The following ELFN1 variants were observed in gnomAD, a reference collection of about 807,000 sequenced individuals.
The protein encoded by ELFN1 is protein ELFN1.
A neutral mutation model predicts 7.6 loss-of-function variants in ELFN1; 6 were observed. The ratio of observed to expected loss-of-function variants is 0.79; its 90% CI spans 0.43 to 1.56. The LOEUF (loss-of-function observed/expected upper bound fraction) is 1.56, where lower values mean the gene tolerates loss of function less well. Ranked by LOEUF, ELFN1 falls within the 40% of genes most tolerant of loss-of-function variation. The probability of loss-of-function intolerance (pLI) is 0.01; values close to 1 mark genes in which losing one functional copy is unlikely to be tolerated. For missense variants in ELFN1, 1,169 were observed against 1,232.2 expected (o/e 0.95, Z 0.77); for synonymous variants, 657 against 588.1 (o/e 1.12, Z -1.70).
chr7:1,725,482 G>C (rs1445108757), intron 3 of ELFN1, among the ~76,000 whole-genome samples: 1 of 152,048 alleles, frequency 6.6e-6, no homozygotes, highest in African/African-American at 2.4e-5. Flanking sequence ...GTGTGAGGCA[G>C]AGCGGGGGTG....
At chr7:1,715,387 G>A (rs911245849) in intron 3 of ELFN1, among the ~76,000 whole-genome samples, 1 of 152,152 alleles carries the variant, frequency 6.6e-6, no homozygotes, top group African/African-American at 2.4e-5. Flanking sequence ...TCTCCTCATA[G>A]GAGCCCGGCA....
chr7:1,724,735 G>A (rs1157457998), intron 3 of ELFN1, among the ~76,000 whole-genome samples: 5 of 152,124 alleles, frequency 3.3e-5, no homozygotes, highest in South Asian at 2.1e-4. Flanking sequence ...CACAGAGGCC[G>A]GGTGTGTCTC....
At chr7:1,694,028 GC>G (rs1035097734) in intron 2 of ELFN1, 1 of 348,470 alleles carries the variant, frequency 2.9e-6, no homozygotes, top group African/African-American at 2.1e-5. Flanking sequence ...GAGCTGAACA[GC>G]CTTCAGGGCC....
chr7:1,707,360 G>A (rs1194489068), intron 2 of ELFN1, among the ~76,000 whole-genome samples: 1 of 152,252 alleles, frequency 6.6e-6, no homozygotes, highest in Admixed American at 6.5e-5. Context: ...TGCAGAGCTG[G>A]GCTGGGTATA....
chr7:1,718,778 GTTGGTTCAGA>G (rs1021533948), intron 3 of ELFN1, among the ~76,000 whole-genome samples: 2 of 152,132 alleles, frequency 1.3e-5, no homozygotes, highest in Non-Finnish European at 2.9e-5. Flanking sequence ...CCCTGGCCGT[GTTGGTTCAGA>G]TTGTTCAGAT....
Position 1,746,752 on chromosome 7 carries a change from C to G in ELFN1, c.2156C>G (p.Pro719Arg). 13 of 1,499,996 alleles carry G rather than the reference C, an allele frequency of 8.7e-6. No homozygotes were observed. The highest frequency in any genetic ancestry group is 1.1e-5 in the Non-Finnish European group (13 of 1,131,190). 92.9% of individuals were successfully genotyped at this position (1,499,996 alleles called of 1,614,324 possible). A position where few individuals can be genotyped will look rare whatever the true frequency, so the allele number is the denominator to read the frequency against. Residue 719 changes from proline (P) to arginine (R), a missense_variant, in exon 4 of 4, where the codon CCC (proline) becomes CGC (arginine). Physicochemically the swap from Pro to Arg is moderately radical, Grantham distance 103. This residue lies in a region of ELFN1 where 914 missense variants were observed against 872.6 expected (regional missense o/e 1.05). Coordinates refer to ENST00000424383, the MANE Select transcript of ELFN1 (RefSeq NM_001128636.4). ...GSHPAEPPAPPGPPPPPPHEG... is the reference protein window; with the variant it reads ...GSHPAEPPAPRGPPPPPPHEG... ...CACCCGGCCGAGCCACCTGCGCCCCCCGGGCCACCGCCGCCGCCTCCGCAC... is the reference window on the plus strand; with the variant it reads ...CACCCGGCCGAGCCACCTGCGCCCCGCGGGCCACCGCCGCCGCCTCCGCAC...
At chr7:1,700,655 G>A (rs1267941906) in intron 2 of ELFN1, among the ~76,000 whole-genome samples, 1 of 152,152 alleles carries the variant, frequency 6.6e-6, no homozygotes, top group Non-Finnish European at 1.5e-5. Context: ...CCTCCCTGAG[G>A]TTTACACCCC....
intron 3 of ELFN1, among the ~76,000 whole-genome samples, chr7:1,741,308 G>C (rs530202827): frequency 6.0e-4 from 91 of 152,298 alleles, no homozygotes; most frequent in African/African-American, 2.1e-3. Flanking sequence ...CTGCCCAGGA[G>C]ACTTGGCAGC....
rs368245335 is a variant in ELFN1 at position 1,674,088 on chromosome 7, G to A, written c.-549+3734G>A. On this transcript the variant is annotated intron_variant, in intron 1 of 3. Transcript: ENST00000424383. ...ACTGCTCTGCTCCCTGCTCCGGGCC[G>A]TGAGGGGTGCACAGGAGCCAGTGGG... is the stretch of plus-strand genomic sequence containing the variant. 1.3e-4 allele frequency among the ~76,000 whole-genome samples: 19 copies of A among 150,364 alleles called. No individual in the cohort carries two copies. In the East Asian group the frequency reaches 1.4e-3, roughly 11 times the overall value.
chr7:1,672,116 C>T (rs1778779390), intron 1 of ELFN1, among the ~76,000 whole-genome samples: 1 of 152,186 alleles, frequency 6.6e-6, no homozygotes, highest in South Asian at 2.1e-4. Flanking sequence ...GCAGGCTCGG[C>T]AGGCAGCTCC....
intron 1 of ELFN1, among the ~76,000 whole-genome samples, chr7:1,684,544 T>C (rs1370568862): frequency 6.6e-6 from 1 of 152,174 alleles, no homozygotes; most frequent in African/African-American, 2.4e-5. Context: ...TCTTTTCTCC[T>C]GTGCTGCCTT....
In ELFN1 at chr7:1,746,827, G is replaced by A. The variant is rs751731833; in HGVS notation, c.2231G>A (p.Arg744Gln). 29 of 1,534,958 alleles carry A rather than the reference G, an allele frequency of 1.9e-5. No homozygotes were observed. The East Asian group carries it at 2.2e-4, about 12-fold the overall frequency. Residue 744 changes from arginine (R) to glutamine (Q), a missense_variant, in exon 4 of 4, where the codon CGG (arginine) becomes CAG (glutamine). By Grantham distance (43) the Arg-to-Gln change is conservative. Coordinates refer to ENST00000424383, the MANE Select transcript of ELFN1 (RefSeq NM_001128636.4). ...ATCCTGGAGCCACTCACCCGGCCGC[G>A]GCCCCGCGACCTCGCCTACTCGCAG... ...ASILEPLTRP[R>Q]PRDLAYSQLS...
rs540754027 is a variant in ELFN1, at chr7:1,715,467, A to G, written c.-294+6215A>G. Among the ~76,000 whole-genome samples the G allele has an allele frequency of 9.5e-4, 144 of 152,230 alleles. 1 individual carries two copies. Among genetic ancestry groups the G allele is most frequent in the African/African-American group, 3.2e-3 (135 of 41,558 alleles). On this transcript the variant is annotated intron_variant, in intron 3 of 3. Transcript: ENST00000424383. ...CTGGGACTGCCCAAGCCCAGCCTGG[A>G]TGGAGTCGCCCCGTGGGCCACCCTG...
At chr7:1,672,901 G>T (rs958603332) in intron 1 of ELFN1, among the ~76,000 whole-genome samples, 6 of 152,144 alleles carry the variant, frequency 3.9e-5, no homozygotes, top group African/African-American at 1.4e-4. Context: ...CGGGTGGGTG[G>T]TGCATAAATA....
intron 3 of ELFN1, among the ~76,000 whole-genome samples, chr7:1,721,690 G>C (rs1562377513): frequency 6.6e-6 from 1 of 152,230 alleles, no homozygotes; most frequent in Non-Finnish European, 1.5e-5. Flanking sequence ...AGCCGGGCCT[G>C]TCAGGGTCGA....
Position 1,747,091 on chromosome 7 carries a change from A to G in ELFN1, c.*8A>G. ...GCCCAGCACAAGTCCTGAGCCCCCC[A>G]AGACCGGCGATGCCCACTGGACCAA... On this transcript the variant is annotated 3_prime_UTR_variant, in exon 4 of 4. Coordinates refer to ENST00000424383, the MANE Select transcript of ELFN1 (RefSeq NM_001128636.4). 2 of 1,467,314 alleles carry G rather than the reference A, an allele frequency of 1.4e-6. No individual in the cohort carries two copies. The highest frequency in any genetic ancestry group is 1.8e-4 in the Middle Eastern group (1 of 5,658). The allele number at this position is 1,467,314 out of a possible 1,614,324, so 90.9% of individuals were successfully genotyped here.
In ELFN1 at chr7:1,744,415, G is replaced by C; in HGVS notation, c.-182G>C. Reference sequence around the variant, plus strand: ...GGCGGAAGACGAGAGGCGGCCGGCCGTGAGGGAGGCGCCCTCCCTCCCCGC... The same window carrying C: ...GGCGGAAGACGAGAGGCGGCCGGCCCTGAGGGAGGCGCCCTCCCTCCCCGC... On this transcript the variant is annotated 5_prime_UTR_variant, in exon 4 of 4. Transcript: ENST00000424383. 4.6e-6 allele frequency: 3 copies of C among 649,092 alleles called. No individual in the cohort carries two copies. The highest frequency in any genetic ancestry group is 6.4e-5 in the East Asian group (2 of 31,430). 40.2% of individuals were successfully genotyped at this position (649,092 alleles called of 1,614,324 possible). A position where few individuals can be genotyped will look rare whatever the true frequency, so the allele number is the denominator to read the frequency against.
rs917495626 is a variant in ELFN1 at position 1,732,246 on chromosome 7, C to G, written c.-293-12058C>G. 3.3e-5 allele frequency among the ~76,000 whole-genome samples: 5 copies of G among 152,126 alleles called. No homozygotes were observed. In the East Asian group the frequency reaches 9.6e-4, roughly 29 times the overall value. On this transcript the variant is annotated intron_variant, in intron 3 of 3. Coordinates refer to ENST00000424383, the MANE Select transcript of ELFN1 (RefSeq NM_001128636.4). ...GAACATTGGGGTGCTGGGAGGGGTT[C>G]ACGTCCCAGGCAGAGGAAACAGCAT...
intron 1 of ELFN1, among the ~76,000 whole-genome samples, chr7:1,677,954 C>A (rs551600222): frequency 4.0e-4 from 61 of 152,190 alleles, no homozygotes; most frequent in Non-Finnish European, 7.8e-4. Flanking sequence ...GTCTGACAGA[C>A]ATCCGGGCTT....
Sources: allele counts gnomAD v4.1 joint callset (sites outside exome capture counted in the v4.1 genomes callset), GRCh38; gene constraint gnomAD v4.1.1; regional missense constraint gnomAD v4.1.1; transcripts MANE v1.5; gene names NCBI Gene and HGNC (gene_info 2026-07-23, HGNC 2026-07-21).